The following FREM2 variants were observed in gnomAD, a reference collection of about 807,000 sequenced individuals.
The protein encoded by FREM2 is FRAS1 related extracellular matrix 2, also known as FRAS1-related extracellular matrix protein 2.
Under a neutral mutation model 219.9 loss-of-function variants are expected in FREM2, and 119 were observed. The ratio of observed to expected loss-of-function variants is 0.54; its 90% CI spans 0.47 to 0.63. FREM2 has a LOEUF of 0.63. Among genes scored for constraint, FREM2 ranks in the 30% least tolerant of loss-of-function variants. The pLI is 0.00. For missense variants in FREM2, 4,030 were observed against 3,993.6 expected (o/e 1.01, Z -0.25); for synonymous variants, 1,562 against 1,522.8 (o/e 1.03, Z -0.60).
intron 1 of FREM2, 55 bp from the exon 2 acceptor site, chr13:38,697,643 G>T (rs1401865560): frequency 2.0e-6 from 2 of 1,006,708 alleles, no homozygotes; most frequent in African/African-American, 3.2e-5. Flanking sequence ...TTACCATAAT[G>T]AATCATCAAT....
chr13:38,828,781 A>T (rs1301362844), intron 6 of FREM2, among the ~76,000 whole-genome samples: 2 of 152,106 alleles, frequency 1.3e-5, no homozygotes, highest in Non-Finnish European at 2.9e-5. Flanking sequence ...TTTCATGTCA[A>T]TGCATATAAA....
intron 4 of FREM2, among the ~76,000 whole-genome samples, chr13:38,777,795 C>G (rs527557290): frequency 6.6e-6 from 1 of 152,254 alleles, no homozygotes; most frequent in South Asian, 2.1e-4. Flanking sequence ...CTTTCTTTGT[C>G]TCTGTGATAC....
intron 6 of FREM2, among the ~76,000 whole-genome samples, chr13:38,816,492 C>A (rs1184397016): frequency 6.6e-6 from 1 of 152,072 alleles, no homozygotes. Flanking sequence ...AATATCATTT[C>A]AATAGAGGCA....
chr13:38,797,703 C>G lies in FREM2; in HGVS notation c.6019+12895C>G, dbSNP rs181259992. Among the ~76,000 whole-genome samples, 177 of 152,022 alleles carry G rather than the reference C, an allele frequency of 1.2e-3. 2 individuals carry two copies. The highest frequency in any genetic ancestry group is 7.7e-3 in the East Asian group (40 of 5,182). On this transcript the variant is annotated intron_variant, in intron 6 of 23. Coordinates refer to ENST00000280481, the MANE Select transcript of FREM2 (RefSeq NM_207361.6). ...CTAGACAAATGTTCCCAAGTTTTCCCCATTTTTTTCCTAGTAGTTTTATAG... is the reference window on the plus strand; with the variant it reads ...CTAGACAAATGTTCCCAAGTTTTCCGCATTTTTTTCCTAGTAGTTTTATAG...
chr13:38,729,472 AT>A (rs1297878301), intron 2 of FREM2, among the ~76,000 whole-genome samples: 3 of 152,088 alleles, frequency 2.0e-5, no homozygotes, highest in East Asian at 1.9e-4. Context: ...TAAGATTGTG[AT>A]TTTTTTATTT....
At chr13:38,835,876 A>G (rs12584200) in intron 6 of FREM2, among the ~76,000 whole-genome samples, 36,594 of 152,136 alleles carry the variant, frequency 0.24, 5,475 homozygotes, top group African/African-American at 0.41. Flanking sequence ...ATATACAATC[A>G]TGTCATCTGC....
chr13:38,778,447 A>C (rs1873965394), intron 4 of FREM2, among the ~76,000 whole-genome samples: 1 of 152,110 alleles, frequency 6.6e-6, no homozygotes, highest in South Asian at 2.1e-4. Context: ...AAGGACACTA[A>C]TCCCATCCTG....
intron 1 of FREM2, among the ~76,000 whole-genome samples, chr13:38,693,104 C>A (rs1381429162): frequency 6.6e-6 from 1 of 152,022 alleles, no homozygotes; most frequent in South Asian, 2.1e-4. Context: ...TCATGACAGG[C>A]AAATACTCAT....
At chr13:38,820,771 A>G (rs1876012833) in intron 6 of FREM2, among the ~76,000 whole-genome samples, 1 of 152,162 alleles carries the variant, frequency 6.6e-6, no homozygotes, top group Admixed American at 6.6e-5. Context: ...AGAGCACTTC[A>G]AAGTCTTGGC....
intron 4 of FREM2, among the ~76,000 whole-genome samples, chr13:38,781,092 T>G (rs1874098265): frequency 6.6e-6 from 1 of 152,170 alleles, no homozygotes; most frequent in Non-Finnish European, 1.5e-5. Flanking sequence ...GAAGGGCTCA[T>G]GTGACCTGCC....
intron 6 of FREM2, among the ~76,000 whole-genome samples, chr13:38,814,724 T>C (rs1385856926): frequency 6.6e-6 from 1 of 152,162 alleles, no homozygotes; most frequent in Non-Finnish European, 1.5e-5. Flanking sequence ...TCAAAAACTT[T>C]AGCAACTTAC....
chr13:38,877,359 T>A, intron 21 of FREM2, 116 bp downstream of exon 21: 1 of 1,152,498 alleles, frequency 8.7e-7, no homozygotes, highest in Non-Finnish European at 1.3e-6. Context: ...GTTTTGAGAA[T>A]GTAACTGGGT....
At chr13:38,791,726 G>A (rs183621819) in intron 6 of FREM2, among the ~76,000 whole-genome samples, 1 of 152,216 alleles carries the variant, frequency 6.6e-6, no homozygotes, top group East Asian at 1.9e-4. Context: ...TGTCACATGG[G>A]GATTATTACA....
intron 15 of FREM2, 25 bp downstream of exon 15, chr13:38,861,587 C>T (rs1291682511): frequency 1.1e-5 from 18 of 1,612,970 alleles, no homozygotes; most frequent in East Asian, 2.2e-5. Flanking sequence ...TAAGCAAATC[C>T]ATGGAATTGT....
At chr13:38,753,086 C>T (rs1193377052) in intron 2 of FREM2, among the ~76,000 whole-genome samples, 1 of 152,064 alleles carries the variant, frequency 6.6e-6, no homozygotes, top group Non-Finnish European at 1.5e-5. Flanking sequence ...TTTTCTCTTC[C>T]CCAGAGGGAG....
chr13:38,811,196 C>A (rs1875461101), intron 6 of FREM2, among the ~76,000 whole-genome samples: 1 of 151,610 alleles, frequency 6.6e-6, no homozygotes, highest in South Asian at 2.1e-4. Flanking sequence ...TTATTTGGAT[C>A]TTCTCTCTTT....
In FREM2 at chr13:38,851,754, G is replaced by T; in HGVS notation, c.6811G>T (p.Val2271Phe). The change falls in exon 11 of 24, where the codon GTT becomes TTT. Residue 2271 changes from valine to phenylalanine, a missense_variant. By Grantham distance (50) the Val-to-Phe change is conservative (BLOSUM62 -1). This residue lies in a region of FREM2 where 3,102 missense variants were observed against 2,950.7 expected (regional missense o/e 1.05). Coordinates refer to ENST00000280481, the MANE Select transcript of FREM2 (RefSeq NM_207361.6). ...TEPKEPGESV[V>F]IRIPVIRQGD... ...ACCCAAAGAACCTGGAGAGTCGGTG[G>T]TTATAAGAATTCCAGTGATTCGCCA... The T allele has an allele frequency of 1.2e-6, 2 of 1,613,614 alleles. No individual in the cohort carries two copies. The highest frequency in any genetic ancestry group is 1.7e-6 in the Non-Finnish European group (2 of 1,179,618).
rs1186407424 is a variant in FREM2 at position 38,813,463 on chromosome 13, T to G, written c.6019+28655T>G. Among the ~76,000 whole-genome samples, 8 of 118,046 alleles carry G rather than the reference T, an allele frequency of 6.8e-5. No homozygotes were observed. The East Asian group carries it at 2.2e-3, about 32-fold the overall frequency. The allele number at this position is 118,046 out of a possible 152,430, so 77.4% of individuals were successfully genotyped here. A position where few individuals can be genotyped will look rare whatever the true frequency, so the allele number is the denominator to read the frequency against. On this transcript the variant is annotated intron_variant, in intron 6 of 23. Coordinates refer to ENST00000280481, the MANE Select transcript of FREM2 (RefSeq NM_207361.6). ...TGCAGCTTTATTATATGTTATTTGTTTTCTCTCTCTCTCTCTCTCTCTCTC... is the reference window on the plus strand; with the variant it reads ...TGCAGCTTTATTATATGTTATTTGTGTTCTCTCTCTCTCTCTCTCTCTCTC...
Position 38,846,740 on chromosome 13 carries a change from C to A in FREM2, c.6169+18C>A. On this transcript the variant is annotated intron_variant, in intron 7 of 23. Transcript: ENST00000280481. ...TGCAGATGGTGAGCAGTTTCCCACT[C>A]GGCTCTTTTGATTGTTCTGCAATTT... 6.2e-7 allele frequency: 1 copy of A among 1,613,074 alleles called. No individual in the cohort carries two copies. The highest frequency in any genetic ancestry group is 8.5e-7 in the Non-Finnish European group (1 of 1,179,238).
Sources: allele counts gnomAD v4.1 joint callset (sites outside exome capture counted in the v4.1 genomes callset), GRCh38; gene constraint gnomAD v4.1.1; regional missense constraint gnomAD v4.1.1; transcripts MANE v1.5; gene names NCBI Gene and HGNC (gene_info 2026-07-23, HGNC 2026-07-21).